MCC: variants seen among roughly 807,000 people sequenced by gnomAD.
MCC encodes the protein colorectal mutant cancer protein.
A neutral mutation model predicts 116.2 loss-of-function variants in MCC; 90 were observed. That is an observed-to-expected ratio of 0.77 (90% CI 0.65 to 0.92). The LOEUF is 0.92. Among genes scored for constraint, MCC ranks in the 40% least tolerant of loss-of-function variants. The probability of loss-of-function intolerance (pLI) is 0.00; values close to 1 mark genes in which losing one functional copy is unlikely to be tolerated. For missense variants in MCC, 1,516 were observed against 1,312.2 expected, an observed-to-expected ratio of 1.16 and a Z score of -2.40; for synonymous variants, 578 against 510.5, an observed-to-expected ratio of 1.13 and a Z score of -1.78.
At chr5:113,170,331 A>C (rs1761006268) in intron 3 of MCC, among the ~76,000 whole-genome samples, 1 of 152,164 alleles carries the variant, frequency 6.6e-6, no homozygotes, top group African/African-American at 2.4e-5. Context: ...TGGCAGAATC[A>C]TCCTCTCCTT....
chr5:113,094,799 G>T (rs994013265), intron 8 of MCC, among the ~76,000 whole-genome samples: 2 of 152,182 alleles, frequency 1.3e-5, no homozygotes, highest in Non-Finnish European at 2.9e-5. Flanking sequence ...CCTTGAAGCA[G>T]CCTGGCCTCC....
intron 13 of MCC, among the ~76,000 whole-genome samples, chr5:113,067,760 A>G (rs767899081): frequency 6.6e-6 from 1 of 152,296 alleles, no homozygotes; most frequent in Non-Finnish European, 1.5e-5. Context: ...CAGGCATCAG[A>G]GAGACAGCTG....
intron 3 of MCC, among the ~76,000 whole-genome samples, chr5:113,227,704 T>C (rs1053676672): frequency 9.2e-5 from 14 of 152,274 alleles, no homozygotes; most frequent in African/African-American, 3.4e-4. Flanking sequence ...ATAAGCAAGA[T>C]CCAAATCTTA....
At chr5:113,163,506 C>T (rs111802116) in intron 3 of MCC, among the ~76,000 whole-genome samples, 1 of 133,122 alleles carries the variant, frequency 7.5e-6, no homozygotes, top group African/African-American at 2.9e-5. Flanking sequence ...CTCCTTTTTT[C>T]CTGTAACCCT....
At chr5:113,291,441 G>A (rs991424618) in intron 3 of MCC, among the ~76,000 whole-genome samples, 18 of 152,302 alleles carry the variant, frequency 1.2e-4, no homozygotes, top group African/African-American at 4.1e-4. Context: ...AAGAGTCAAT[G>A]ACTTCTGTGG....
intron 3 of MCC, chr5:113,294,221 G>A (rs1766624156): frequency 7.3e-7 from 1 of 1,377,356 alleles, no homozygotes; most frequent in Non-Finnish European, 1.0e-6. Context: ...TCCAGACTGG[G>A]AGCACAGGGG....
chr5:113,094,566 G>A (rs567292819), intron 8 of MCC, among the ~76,000 whole-genome samples: 22 of 151,812 alleles, frequency 1.4e-4, no homozygotes, highest in African/African-American at 4.6e-4. Context: ...AATTACAGGC[G>A]CCCACCACCA....
At chr5:113,324,581 C>T (rs1346239123) in intron 3 of MCC, among the ~76,000 whole-genome samples, 2 of 151,942 alleles carry the variant, frequency 1.3e-5, no homozygotes, top group African/African-American at 4.8e-5. Flanking sequence ...TTATAAAAAC[C>T]ATAAATTCTG....
intron 3 of MCC, among the ~76,000 whole-genome samples, chr5:113,255,187 A>G (rs1359747890): frequency 6.6e-6 from 1 of 152,148 alleles, no homozygotes; most frequent in Non-Finnish European, 1.5e-5. Context: ...ACAAACAAAA[A>G]TAAGAGCTAT....
intron 3 of MCC, among the ~76,000 whole-genome samples, chr5:113,332,378 T>G (rs1273521389): frequency 6.6e-6 from 1 of 151,284 alleles, no homozygotes; most frequent in Non-Finnish European, 1.5e-5. Context: ...TACTTAATTC[T>G]TTGAGTTAAC....
At chr5:113,169,372 C>A (rs1270398955) in intron 3 of MCC, among the ~76,000 whole-genome samples, 1 of 152,054 alleles carries the variant, frequency 6.6e-6, no homozygotes, top group Non-Finnish European at 1.5e-5. Flanking sequence ...TCTGCAGGAC[C>A]ATTCCTGCAC....
intron 2 of MCC, among the ~76,000 whole-genome samples, chr5:113,351,078 C>T (rs1043656135): frequency 1.3e-5 from 2 of 152,048 alleles, no homozygotes; most frequent in Admixed American, 6.6e-5. Context: ...CCCTCATACA[C>T]TGTTGGTGGG....
intron 1 of MCC, among the ~76,000 whole-genome samples, chr5:113,390,144 T>C (rs1169945185): frequency 2.6e-5 from 4 of 152,180 alleles, no homozygotes; most frequent in African/African-American, 9.7e-5. Context: ...AAAACACATA[T>C]TCATTGTAGA....
At chr5:113,450,700 CCACT>C (rs1771366953) in intron 1 of MCC, among the ~76,000 whole-genome samples, 1 of 152,168 alleles carries the variant, frequency 6.6e-6, no homozygotes, top group Non-Finnish European at 1.5e-5. Context: ...AAAACATGTT[CCACT>C]CAAACTGCCT....
chr5:113,411,791 C>G (rs1770000041), intron 1 of MCC, among the ~76,000 whole-genome samples: 1 of 152,156 alleles, frequency 6.6e-6, no homozygotes, highest in Non-Finnish European at 1.5e-5. Context: ...TCCCATTTGT[C>G]TATTTTGGCT....
chr5:113,072,640 T>G (rs919339194), intron 11 of MCC, among the ~76,000 whole-genome samples: 4 of 152,286 alleles, frequency 2.6e-5, no homozygotes, highest in African/African-American at 4.8e-5. Context: ...TTCCTCTCAG[T>G]CTCCTTTGCT....
chr5:113,429,293 G>A (rs551048260), intron 1 of MCC, among the ~76,000 whole-genome samples: 1 of 152,066 alleles, frequency 6.6e-6, no homozygotes, highest in East Asian at 1.9e-4. Context: ...GAGAGAGAGA[G>A]ATCTTTCTCT....
chr5:113,132,014 A>C (rs920416277), intron 5 of MCC, among the ~76,000 whole-genome samples: 3 of 152,196 alleles, frequency 2.0e-5, no homozygotes, highest in Non-Finnish European at 4.4e-5. Context: ...TCCTTGATTC[A>C]ATTTAAATAG....
intron 1 of MCC, among the ~76,000 whole-genome samples, chr5:113,390,872 CA>C (rs570180709): frequency 3.9e-5 from 6 of 152,210 alleles, no homozygotes; most frequent in Admixed American, 3.9e-4. Context: ...TGAAAGACTA[CA>C]AAAAACATCT....
Sources: gnomAD v4.1 joint callset for allele counts (sites outside exome capture counted in the v4.1 genomes callset) on GRCh38, gnomAD v4.1.1 for gene constraint, MANE v1.5 for transcripts, NCBI Gene and HGNC (gene_info 2026-07-23, HGNC 2026-07-21) for gene names.